SFI1: variants seen among roughly 807,000 people sequenced by gnomAD.
SFI1 encodes the protein protein SFI1 homolog.
A neutral mutation model predicts 207.5 loss-of-function variants in SFI1; 195 were observed. The observed-to-expected ratio is 0.94, with a 90% CI of 0.84 to 1.06. The LOEUF (loss-of-function observed/expected upper bound fraction) is 1.06. SFI1 is among the 50% of genes least tolerant of loss of function. SFI1 has a pLI of 0.00. For synonymous variants in SFI1, 630 were observed against 598.9 expected, an observed-to-expected ratio of 1.05 and a Z score of -0.76; for missense variants, 1,634 against 1,588.0, an observed-to-expected ratio of 1.03 and a Z score of -0.49.
intron 8 of SFI1, among the ~76,000 whole-genome samples, chr22:31,563,805 G>A (rs181028033): frequency 1.3e-3 from 197 of 151,718 alleles, no homozygotes; most frequent in Non-Finnish European, 2.2e-3. Flanking sequence ...GGCTGGTCTC[G>A]AACTCCTGAC....
intron 27 of SFI1, chr22:31,614,266 T>G: frequency 3.1e-6 from 1 of 318,496 alleles, no homozygotes; most frequent in African/African-American, 2.1e-5. Context: ...CAGAAGCCCC[T>G]CTTTCTTGTG....
At chr22:31,513,587 GTTTTA>G (rs1333579971) in intron 2 of SFI1, among the ~76,000 whole-genome samples, 29 of 150,370 alleles carry the variant, frequency 1.9e-4, no homozygotes, top group South Asian at 6.3e-4. Context: ...GTTTTGTTTT[GTTTTA>G]TTTTAGACAG....
chr22:31,558,784 T>G (rs2061406983), intron 7 of SFI1, among the ~76,000 whole-genome samples: 1 of 151,940 alleles, frequency 6.6e-6, no homozygotes, highest in Admixed American at 6.6e-5. Flanking sequence ...GCCTGAGTGA[T>G]ATTTTTATAT....
intron 2 of SFI1, among the ~76,000 whole-genome samples, chr22:31,526,264 C>T (rs1158814419): frequency 2.0e-5 from 3 of 152,176 alleles, no homozygotes; most frequent in Admixed American, 6.6e-5. Context: ...TTAATTGACT[C>T]ATAGTTCTGC....
intron 1 of SFI1, among the ~76,000 whole-genome samples, chr22:31,505,447 AAAAAG>A: frequency 7.2e-6 from 1 of 137,996 alleles, no homozygotes; most frequent in Non-Finnish European, 1.6e-5. Context: ...GGAAAAAAAG[AAAAAG>A]AAAAAGAAAA....
chr22:31,523,932 C>T (rs973924321), intron 2 of SFI1, among the ~76,000 whole-genome samples: 5 of 151,392 alleles, frequency 3.3e-5, no homozygotes, highest in African/African-American at 9.7e-5. Flanking sequence ...AATAGCACAC[C>T]ATGGCAAGGA....
chr22:31,574,197 C>T (rs964156308), intron 9 of SFI1, among the ~76,000 whole-genome samples: 1 of 152,200 alleles, frequency 6.6e-6, no homozygotes, highest in African/African-American at 2.4e-5. Context: ...TCACCCAAAC[C>T]TCCCTGCAGA....
intron 1 of SFI1, among the ~76,000 whole-genome samples, chr22:31,502,193 T>C (rs973740467): frequency 2.0e-5 from 3 of 152,192 alleles, no homozygotes; most frequent in Non-Finnish European, 4.4e-5. Context: ...TTGGTGATGT[T>C]TTCTGACCAG....
rs111513493 is a variant in SFI1 at position 31,618,315 on chromosome 22, T to G, written c.3626T>G (p.Val1209Gly). Reference sequence around the variant, plus strand: ...CTGCCTGTCCCTCCATGGCCCCAGGTGGAAATGCAGATCCAGCTGCTGGCA... The same window carrying G: ...CTGCCTGTCCCTCCATGGCCCCAGGGGGAAATGCAGATCCAGCTGCTGGCA... ...EQQVQKELEQ[V>G]EMQIQLLAEE... is the part of the protein sequence containing the mutation. Residue 1209 changes from valine (V) to glycine (G), a missense_variant and splice_region_variant, in exon 33 of 33, where the codon GTG becomes GGG. Transcript: ENST00000400288. The G allele has an allele frequency of 1.9e-6, 3 of 1,608,552 alleles. No homozygotes were observed. Among genetic ancestry groups the G allele is most frequent in the African/African-American group, 2.7e-5 (2 of 74,858 alleles).
intron 22 of SFI1, among the ~76,000 whole-genome samples, chr22:31,609,614 T>C (rs555026812): frequency 3.9e-5 from 6 of 152,370 alleles, no homozygotes; most frequent in Admixed American, 3.9e-4. Context: ...GTTCCGACTG[T>C]AGCGTGTGTG....
intron 15 of SFI1, among the ~76,000 whole-genome samples, chr22:31,594,543 G>A (rs1421743306): frequency 1.2e-4 from 6 of 49,716 alleles, no homozygotes; most frequent in Non-Finnish European, 1.8e-4. Flanking sequence ...GCGAGACGCC[G>A]TCTCAAAAAA....
Position 31,558,581 on chromosome 22 carries a change from G to A in SFI1, c.662+1522G>A, listed in dbSNP as rs1395622227. On this transcript the variant is annotated intron_variant, in intron 7 of 32. Transcript: ENST00000400288. ...GGGTTCAAGCCTTCCAGGTTCAAGC[G>A]ATTCTTCTGCCTTGGCCTCTCGAGT... Among the ~76,000 whole-genome samples the A allele has an allele frequency of 4.0e-5, 6 of 151,552 alleles. No homozygotes were observed. The South Asian group carries it at 8.3e-4, about 21-fold the overall frequency.
At position 31,500,293 on chromosome 22, in the gene SFI1, A is replaced by G. The variant is rs79882948; in HGVS notation, c.-31+3656A>G. ...ACTCTGTCTCAAAAAAAAAAAAAAA[A>G]AAAGAAAAAATAAATTGCCATAGCC... On this transcript the variant is annotated intron_variant, in intron 1 of 32. Coordinates refer to ENST00000400288, the MANE Select transcript of SFI1 (RefSeq NM_001007467.3). Among the ~76,000 whole-genome samples, 361 of 151,604 alleles carry G rather than the reference A, an allele frequency of 2.4e-3. 2 individuals are homozygous for G. The highest frequency in any genetic ancestry group is 8.3e-3 in the African/African-American group (344 of 41,356).
rs775355245 is a variant in SFI1 at position 31,561,352 on chromosome 22, C to T, written c.725C>T (p.Ala242Val). ...GTCCGTGTGAGCCGTGCCCTCCATG[C>T]CTCTGCTTTGAAGCACAGGGCCCTG... ...GQVRVSRALH[A>V]SALKHRALSL... is the part of the protein sequence containing the mutation. Residue 242 changes from alanine to valine, a missense_variant, in exon 8 of 33, where the codon GCC becomes GTC. Coordinates refer to ENST00000400288, the MANE Select transcript of SFI1 (RefSeq NM_001007467.3). 6.2e-7 allele frequency: 1 copy of T among 1,614,008 alleles called. No individual in the cohort carries two copies. The highest frequency in any genetic ancestry group is 1.7e-5 in the Admixed American group (1 of 59,982).
chr22:31,568,018 A>G (rs1569332538), intron 8 of SFI1, among the ~76,000 whole-genome samples: 1 of 152,128 alleles, frequency 6.6e-6, no homozygotes, highest in African/African-American at 2.4e-5. Context: ...TTATAGTTAC[A>G]TTGTAAGATA....
intron 8 of SFI1, among the ~76,000 whole-genome samples, chr22:31,561,925 C>T (rs1192958903): frequency 6.6e-6 from 1 of 151,828 alleles, no homozygotes; most frequent in East Asian, 1.9e-4. Flanking sequence ...CTGCTGGGTA[C>T]TTACAGAGCT....
intron 1 of SFI1, among the ~76,000 whole-genome samples, chr22:31,501,941 A>G (rs2053853132): frequency 1.3e-5 from 2 of 152,018 alleles, no homozygotes; most frequent in Admixed American, 1.3e-4. Flanking sequence ...TGTCTAAATG[A>G]TCCTAGTGTC....
At chr22:31,561,911 G>C (rs1165611621) in intron 8 of SFI1, among the ~76,000 whole-genome samples, 3 of 151,960 alleles carry the variant, frequency 2.0e-5, no homozygotes, top group Non-Finnish European at 4.4e-5. Context: ...TCATGTTTTT[G>C]TGTCTGCTGG....
At chr22:31,601,210 G>A (rs954872131) in intron 15 of SFI1, among the ~76,000 whole-genome samples, 1 of 133,254 alleles carries the variant, frequency 7.5e-6, no homozygotes, top group African/African-American at 2.8e-5. Context: ...TGCAAGCTCC[G>A]CCTCCCGGGT....
Sources: allele counts gnomAD v4.1 joint callset (sites outside exome capture counted in the v4.1 genomes callset), GRCh38; gene constraint gnomAD v4.1.1; transcripts MANE v1.5; gene names NCBI Gene and HGNC (gene_info 2026-07-23, HGNC 2026-07-21).